HS3ST5: variants seen among roughly 807,000 people sequenced by gnomAD.
HS3ST5 encodes the protein heparan sulfate-glucosamine 3-sulfotransferase 5.
HS3ST5 carries 10 observed loss-of-function variants against 25.4 expected under a neutral mutation model. That is an observed-to-expected ratio of 0.39 (90% CI 0.24 to 0.67). HS3ST5 has a LOEUF of 0.67. Among genes scored for constraint, HS3ST5 ranks in the 30% least tolerant of loss-of-function variants. The pLI is 0.44. For missense variants in HS3ST5, 324 were observed against 420.7 expected (o/e 0.77, Z 2.01); for synonymous variants, 170 against 162.4 (o/e 1.05, Z -0.36).
intron 3 of HS3ST5, among the ~76,000 whole-genome samples, chr6:114,156,696 C>T (rs1188213563): frequency 6.6e-6 from 1 of 152,070 alleles, no homozygotes; most frequent in African/African-American, 2.4e-5. Flanking sequence ...ATCTTGGCAG[C>T]CTCTGGCACT....
At chr6:114,142,593 A>G (rs1465702641) in intron 3 of HS3ST5, among the ~76,000 whole-genome samples, 1 of 152,252 alleles carries the variant, frequency 6.6e-6, no homozygotes, top group South Asian at 2.1e-4. Context: ...ATGAATAATT[A>G]TATAATCAAT....
intron 1 of HS3ST5, among the ~76,000 whole-genome samples, chr6:114,275,822 T>C (rs908622511): frequency 3.9e-5 from 6 of 152,038 alleles, no homozygotes; most frequent in Non-Finnish European, 7.4e-5. Context: ...CATTTAAAAG[T>C]ATAAAAACCA....
intron 3 of HS3ST5, among the ~76,000 whole-genome samples, chr6:114,156,167 G>C (rs1778688770): frequency 6.6e-6 from 1 of 151,908 alleles, no homozygotes; most frequent in Admixed American, 6.5e-5. Context: ...TTCCTTCCAT[G>C]TGGAATCCCT....
intron 2 of HS3ST5, among the ~76,000 whole-genome samples, chr6:114,214,787 C>T (rs1376692799): frequency 6.6e-6 from 1 of 152,164 alleles, no homozygotes; most frequent in Admixed American, 6.5e-5. Flanking sequence ...ACTGATGCTT[C>T]CAACTCTTAA....
chr6:114,090,031 C>G (rs1227524972), intron 3 of HS3ST5, among the ~76,000 whole-genome samples: 1 of 152,214 alleles, frequency 6.6e-6, no homozygotes, highest in East Asian at 1.9e-4. Flanking sequence ...TTTGAGAACC[C>G]TGTACATGTG....
intron 2 of HS3ST5, among the ~76,000 whole-genome samples, chr6:114,193,849 C>G (rs148019552): frequency 2.0e-5 from 3 of 152,274 alleles, no homozygotes; most frequent in African/African-American, 7.2e-5. Flanking sequence ...GACAGGTACT[C>G]TCTTCTACAA....
At chr6:114,203,783 G>T (rs189080321) in intron 2 of HS3ST5, among the ~76,000 whole-genome samples, 22 of 152,182 alleles carry the variant, frequency 1.4e-4, no homozygotes, top group African/African-American at 4.1e-4. Flanking sequence ...CCTAGGCTCC[G>T]AGCTTTTGGG....
intron 3 of HS3ST5, among the ~76,000 whole-genome samples, chr6:114,127,530 T>G (rs1044262894): frequency 6.6e-6 from 1 of 152,054 alleles, no homozygotes; most frequent in African/African-American, 2.4e-5. Context: ...CCCAAAACAA[T>G]TTTGATTCCA....
At chr6:114,217,053 C>T (rs188963983) in intron 2 of HS3ST5, among the ~76,000 whole-genome samples, 5 of 152,312 alleles carry the variant, frequency 3.3e-5, no homozygotes, top group East Asian at 3.9e-4. Flanking sequence ...TTGGATGAAC[C>T]GAATCTCCTG....
At chr6:114,211,955 A>G (rs1484252707) in intron 2 of HS3ST5, among the ~76,000 whole-genome samples, 2 of 152,250 alleles carry the variant, frequency 1.3e-5, no homozygotes, top group Non-Finnish European at 2.9e-5. Flanking sequence ...ACAGCGTGGG[A>G]AATATGATAG....
intron 3 of HS3ST5, among the ~76,000 whole-genome samples, chr6:114,087,499 C>T (rs1006643962): frequency 2.6e-5 from 4 of 152,084 alleles, no homozygotes; most frequent in Non-Finnish European, 5.9e-5. Flanking sequence ...GAACAATGGC[C>T]TGTACGTCTA....
At chr6:114,123,171 T>C (rs1006806541) in intron 3 of HS3ST5, among the ~76,000 whole-genome samples, 2 of 152,200 alleles carry the variant, frequency 1.3e-5, no homozygotes, top group African/African-American at 4.8e-5. Context: ...CAGGCTGGTC[T>C]AAAACTCCCA....
At chr6:114,341,650 G>T (rs1328436206) in intron 1 of HS3ST5, among the ~76,000 whole-genome samples, 4 of 149,790 alleles carry the variant, frequency 2.7e-5, no homozygotes. Context: ...GCTGTGAGGG[G>T]TGTGGGGGGG....
intron 3 of HS3ST5, among the ~76,000 whole-genome samples, chr6:114,079,485 T>G (rs1344188067): frequency 6.6e-6 from 1 of 152,108 alleles, no homozygotes; most frequent in Non-Finnish European, 1.5e-5. Flanking sequence ...TTGCAGCAAT[T>G]CAGTCACATC....
chr6:114,132,838 C>T (rs1382419853), intron 3 of HS3ST5, among the ~76,000 whole-genome samples: 1 of 152,228 alleles, frequency 6.6e-6, no homozygotes, highest in Non-Finnish European at 1.5e-5. Context: ...CAGGCTCTTT[C>T]AAGCCGGTCT....
chr6:114,265,904 C>T (rs965704842), intron 1 of HS3ST5, among the ~76,000 whole-genome samples: 1 of 152,146 alleles, frequency 6.6e-6, no homozygotes, highest in Non-Finnish European at 1.5e-5. Context: ...TCTCTTGCTG[C>T]ATGCTGTCCC....
chr6:114,069,612 G>A (rs1011932450), intron 3 of HS3ST5, among the ~76,000 whole-genome samples: 10 of 150,156 alleles, frequency 6.7e-5, no homozygotes, highest in South Asian at 2.1e-4. Flanking sequence ...TCTGCCTTCC[G>A]GGTTCAAGCA....
At position 114,084,800 on chromosome 6, in the gene HS3ST5, A is replaced by G. The variant is rs565110192; in HGVS notation, c.-32-21923T>C. On this transcript the variant is annotated intron_variant, in intron 3 of 4. Transcript: ENST00000312719. ...AGCAGCAAACTTAAGCATATTTTCA[A>G]ACTCTTAGAAAATTTCTTTTTTCTT... The G allele has an allele frequency of 3.9e-5, 28 of 709,168 alleles. No homozygotes were observed. The East Asian group carries it at 6.9e-4, about 17-fold the overall frequency. The allele number at this position is 709,168 out of a possible 1,614,324, so 43.9% of individuals were successfully genotyped here.
At chr6:114,210,754 C>A (rs572274576) in intron 2 of HS3ST5, among the ~76,000 whole-genome samples, 3 of 152,318 alleles carry the variant, frequency 2.0e-5, no homozygotes, top group African/African-American at 7.2e-5. Flanking sequence ...AATTCAGGGA[C>A]AACTGCTACT....
Sources: allele counts gnomAD v4.1 joint callset (sites outside exome capture counted in the v4.1 genomes callset), GRCh38; gene constraint gnomAD v4.1.1; transcripts MANE v1.5; gene names NCBI Gene and HGNC (gene_info 2026-07-23, HGNC 2026-07-21).